The following UBR2 variants were observed in gnomAD, a reference collection of about 807,000 sequenced individuals.
UBR2 encodes the protein ubiquitin protein ligase E3 component n-recognin 2, also known as E3 ubiquitin-protein ligase UBR2.
In UBR2, 92 loss-of-function variants were observed where a neutral mutation model predicts 247.9. The observed-to-expected ratio is 0.37, with a 90% confidence interval of 0.31 to 0.44. UBR2 has a LOEUF of 0.44. Among genes scored for constraint, UBR2 ranks in the 20% least tolerant of loss-of-function variants. UBR2 has a pLI of 1.00. For synonymous variants in UBR2, 672 were observed against 693.5 expected (o/e 0.97, Z 0.49); for missense variants, 1,613 against 2,112.6 (o/e 0.76, Z 4.64).
rs747383540 is a variant in UBR2, at chr6:42,641,572, G to T, written c.1921-10G>T. ...TTTGTTTTCTGTTTTTTTATTTTTTGTATATATAGAGTGAACTTAGCCCAC... is the reference window on the plus strand; with the variant it reads ...TTTGTTTTCTGTTTTTTTATTTTTTTTATATATAGAGTGAACTTAGCCCAC... On this transcript the variant is annotated splice_polypyrimidine_tract_variant and intron_variant, in intron 16 of 46. Transcript: ENST00000372901. 6.4e-7 allele frequency: 1 copy of T among 1,572,138 alleles called. No individual in the cohort carries two copies. Among genetic ancestry groups the T allele is most frequent in the Admixed American group, 2.0e-5 (1 of 50,292 alleles).
intron 46 of UBR2, among the ~76,000 whole-genome samples, 177 bp from the exon 47 acceptor site, chr6:42,690,855 C>T (rs1799718163): frequency 6.6e-6 from 1 of 152,196 alleles, no homozygotes; most frequent in African/African-American, 2.4e-5. Flanking sequence ...TTTACCTGCT[C>T]TTGGCAAAGG....
chr6:42,615,209 A>G (rs1289749338), intron 9 of UBR2, 31 bp downstream of exon 9: 1 of 1,540,556 alleles, frequency 6.5e-7, no homozygotes. Flanking sequence ...TAAGGTGTAG[A>G]GGAACCTATA....
At chr6:42,605,630 A>G in intron 5 of UBR2, 91 bp from the exon 6 acceptor site, 1 of 1,225,058 alleles carries the variant, frequency 8.2e-7, no homozygotes, top group Non-Finnish European at 1.1e-6. Context: ...TACCTAGCAC[A>G]TTGCATAGGA....
intron 9 of UBR2, 151 bp from the exon 10 acceptor site, chr6:42,615,851 G>A: frequency 2.0e-6 from 1 of 492,848 alleles, no homozygotes; most frequent in Non-Finnish European, 3.5e-6. Flanking sequence ...GTGAGCCCAG[G>A]AGTTAAGACC....
intron 4 of UBR2, 132 bp from the exon 5 acceptor site, chr6:42,603,456 T>C (rs191435124): frequency 9.4e-5 from 83 of 883,114 alleles, no homozygotes; most frequent in African/African-American, 4.1e-4. Flanking sequence ...ATCAAATTCA[T>C]TGAAGAGAAG....
intron 36 of UBR2, among the ~76,000 whole-genome samples, chr6:42,673,183 A>T (rs1438802732): frequency 6.6e-6 from 1 of 152,176 alleles, no homozygotes; most frequent in African/African-American, 2.4e-5. Context: ...CAATATTTGG[A>T]GTATCTCTTT....
intron 8 of UBR2, 84 bp downstream of exon 8, chr6:42,612,375 A>T: frequency 7.7e-7 from 1 of 1,304,044 alleles, no homozygotes; most frequent in Non-Finnish European, 1.0e-6. Flanking sequence ...AAAACTATCA[A>T]CTGGAATAAT....
At chr6:42,582,293 A>C (rs887250065) in intron 2 of UBR2, among the ~76,000 whole-genome samples, 1 of 151,828 alleles carries the variant, frequency 6.6e-6, no homozygotes, top group Non-Finnish European at 1.5e-5. Flanking sequence ...AAAAAAAAAA[A>C]AAAAAAAAAA....
intron 8 of UBR2, among the ~76,000 whole-genome samples, chr6:42,614,334 G>GTGTA (rs1582536970): frequency 1.1e-4 from 8 of 74,436 alleles, no homozygotes; most frequent in African/African-American, 3.0e-4. Context: ...ATGTGTATAT[G>GTGTA]TGTATGTGTG....
intron 28 of UBR2, 43 bp from the exon 29 acceptor site, chr6:42,658,603 G>A (rs7748447): frequency 0.28 from 436,499 of 1,538,870 alleles, 62,929 homozygotes; most frequent in East Asian, 0.33. Flanking sequence ...AAAAATGTGC[G>A]TTTTAGCATC....
At chr6:42,601,864 C>CTTTTTTTTTTTTTTTTTTTTTTTTT (rs1255447927) in intron 4 of UBR2, among the ~76,000 whole-genome samples, 1 of 137,834 alleles carries the variant, frequency 7.3e-6, no homozygotes, top group African/African-American at 2.7e-5. Context: ...TTTCTCCATT[C>CTTTTTTTTTTTTTTTTTTTTTTTTT]TTTTTTTTTT....
Position 42,676,466 on chromosome 6 carries a change from ATTTTG to A in UBR2, c.4387+280_4387+284del, listed in dbSNP as rs994811956. Reference sequence around the variant, plus strand: ...TAGAATCTTATGTTTTAGAATGCCAATTTTGTTTTAACTTACATGTTTGTTAATGC... The same window carrying A: ...TAGAATCTTATGTTTTAGAATGCCAATTTTAACTTACATGTTTGTTAATGC... On this transcript the variant is annotated intron_variant, in intron 39 of 46. Coordinates refer to ENST00000372901, the MANE Select transcript of UBR2 (RefSeq NM_001363705.2). 1.1e-3 allele frequency among the ~76,000 whole-genome samples: 167 copies of A among 152,316 alleles called. 1 individual carries two copies. Among genetic ancestry groups the A allele is most frequent in the African/African-American group, 3.7e-3 (153 of 41,554 alleles).
At chr6:42,625,472 C>G (rs923645416) in intron 11 of UBR2, among the ~76,000 whole-genome samples, 8 of 151,634 alleles carry the variant, frequency 5.3e-5, no homozygotes, top group African/African-American at 1.5e-4. Flanking sequence ...TTTTTTAGGA[C>G]AGGGTCTCAC....
intron 36 of UBR2, 28 bp downstream of exon 36, chr6:42,670,743 A>G: frequency 6.3e-7 from 1 of 1,576,200 alleles, no homozygotes; most frequent in Non-Finnish European, 8.6e-7. Context: ...TCAGTTCATG[A>G]TAGTGGGGCA....
Position 42,652,490 on chromosome 6 carries a change from G to A in UBR2, c.2615-1G>A, listed in dbSNP as rs1797180495. ...ACCAATAATAACAACTGTATTTTCA[G>A]CACTCCCACCTCCGGTGTTGCCTCC... On this transcript the variant is annotated splice_acceptor_variant, in intron 24 of 46. Transcript: ENST00000372901. LOFTEE classifies it high-confidence loss of function. The A allele has an allele frequency of 6.3e-7, 1 of 1,595,422 alleles. No individual in the cohort carries two copies. The highest frequency in any genetic ancestry group is 8.5e-7 in the Non-Finnish European group (1 of 1,175,346).
chr6:42,605,993 T>G lies in UBR2; in HGVS notation c.801+134T>G, dbSNP rs139774667. On this transcript the variant is annotated intron_variant, in intron 6 of 46. Transcript: ENST00000372901. Reference sequence around the variant, plus strand: ...AATTTCATTTGTCATGCCTGTAATCTCAGCACTTTGGGAGGCCAAGGCAGG... The same window carrying G: ...AATTTCATTTGTCATGCCTGTAATCGCAGCACTTTGGGAGGCCAAGGCAGG... The G allele has an allele frequency of 4.7e-4, 392 of 838,726 alleles. 3 individuals are homozygous for G. In the African/African-American group the frequency reaches 4.7e-3, roughly 10 times the overall value. The allele number at this position is 838,726 out of a possible 1,614,324, so 52.0% of individuals were successfully genotyped here. A position where few individuals can be genotyped will look rare whatever the true frequency, so the allele number is the denominator to read the frequency against.
intron 25 of UBR2, among the ~76,000 whole-genome samples, chr6:42,654,246 C>T (rs899590674): frequency 3.9e-5 from 6 of 152,064 alleles, no homozygotes; most frequent in African/African-American, 1.2e-4. Context: ...TACTAGCTGT[C>T]GTGTACTGTC....
chr6:42,683,210 T>C (rs1012816091), intron 43 of UBR2, 99 bp downstream of exon 43: 3 of 961,808 alleles, frequency 3.1e-6, no homozygotes, highest in Non-Finnish European at 4.7e-6. Flanking sequence ...CTCAAGCCTT[T>C]AGTGATTCCA....
intron 2 of UBR2, among the ~76,000 whole-genome samples, chr6:42,587,152 A>G (rs1434203178): frequency 6.6e-6 from 1 of 152,010 alleles, no homozygotes; most frequent in African/African-American, 2.4e-5. Flanking sequence ...GCAATGTTAC[A>G]ATTTTTGCTT....
Sources: gnomAD v4.1 joint callset for allele counts (sites outside exome capture counted in the v4.1 genomes callset) on GRCh38, gnomAD v4.1.1 for gene constraint, MANE v1.5 for transcripts, NCBI Gene and HGNC (gene_info 2026-07-23, HGNC 2026-07-21) for gene names.